Variants in KIAA1671 observed in about 807,000 individuals in gnomAD.
KIAA1671 encodes KIAA1671.
Under a neutral mutation model 131.2 loss-of-function variants are expected in KIAA1671, and 52 were observed. The ratio of observed to expected loss-of-function variants is 0.40; its 90% confidence interval spans 0.32 to 0.50. The LOEUF (loss-of-function observed/expected upper bound fraction) is 0.50. Among genes scored for constraint, KIAA1671 ranks in the 20% least tolerant of loss-of-function variants. The pLI, the probability that KIAA1671 is intolerant of heterozygous loss-of-function variation, is 0.73. For synonymous variants in KIAA1671, 1,003 were observed against 961.6 expected, an observed-to-expected ratio of 1.04 and a Z score of -0.80; for missense variants, 2,360 against 2,364.2, an observed-to-expected ratio of 1.00 and a Z score of 0.04.
At chr22:25,105,821 G>GA (rs1491324429) in intron 6 of KIAA1671, among the ~76,000 whole-genome samples, 8 of 54,104 alleles carry the variant, frequency 1.5e-4, no homozygotes, top group Admixed American at 1.2e-3. Context: ...TATGAAGTTG[G>GA]GGGGGGGGGG....
chr22:25,040,748 A>G lies in KIAA1671; in HGVS notation c.3618A>G (p.Ala1206=), dbSNP rs1323689560. The G allele has an allele frequency of 1.3e-6, 2 of 1,551,786 alleles. No homozygotes were observed. Among genetic ancestry groups the G allele is most frequent in the African/African-American group, 2.7e-5 (2 of 73,058 alleles). Reference sequence around the variant, plus strand: ...TTCTTGACATTGACGCCCTGATGGCAGAGTACCAGGAGCTGTCGCTGAAAG... The same window carrying G: ...TTCTTGACATTGACGCCCTGATGGCGGAGTACCAGGAGCTGTCGCTGAAAG... ...SSVLDIDALM[A]EYQELSLKVP... The change falls in exon 5 of 13, where the codon GCA becomes GCG. Residue 1206 remains alanine, a synonymous_variant. Coordinates refer to ENST00000358431, the MANE Select transcript of KIAA1671 (RefSeq NM_001145206.2).
chr22:25,181,822 A>T lies in KIAA1671; in HGVS notation c.5198A>T (p.Lys1733Met). Residue 1733 changes from lysine (K) to methionine (M), a missense_variant and splice_region_variant, in exon 10 of 13, where the codon AAG becomes ATG. Physicochemically the swap from Lys to Met is moderately conservative, Grantham distance 95. Transcript: ENST00000358431. ...CCAGGCATGGATCCGGCAGTGCTAA[A>T]GGTACCAGACCTCTCACCAAGAGTC... ...AFPGMDPAVL[K>M]AQLHKRPEVD... The T allele has an allele frequency of 6.4e-7, 1 of 1,551,416 alleles. No individual in the cohort carries two copies. The highest frequency in any genetic ancestry group is 8.7e-7 in the Non-Finnish European group (1 of 1,146,842).
chr22:25,034,331 C>T (rs1926471215), intron 4 of KIAA1671, among the ~76,000 whole-genome samples: 2 of 152,106 alleles, frequency 1.3e-5, no homozygotes. Context: ...CAAGTGTGAG[C>T]CACCACACCC....
intron 11 of KIAA1671, chr22:25,185,321 A>T: frequency 1.7e-6 from 1 of 592,746 alleles, no homozygotes; most frequent in Admixed American, 3.5e-5. Context: ...GGAGGCCAGG[A>T]ATCAGGCCAG....
At chr22:25,153,290 G>A (rs1012669626) in intron 6 of KIAA1671, among the ~76,000 whole-genome samples, 1 of 152,210 alleles carries the variant, frequency 6.6e-6, no homozygotes, top group African/African-American at 2.4e-5. Context: ...TAGACCAGTA[G>A]TTCTCAACCT....
At chr22:24,984,552 TG>T (rs1923414571) in intron 1 of KIAA1671, among the ~76,000 whole-genome samples, 1 of 152,214 alleles carries the variant, frequency 6.6e-6, no homozygotes, top group Non-Finnish European at 1.5e-5. Flanking sequence ...GGGCAAGGGA[TG>T]AGGCAGCTTC....
At chr22:24,972,812 G>C (rs1429705010) in intron 1 of KIAA1671, among the ~76,000 whole-genome samples, 1 of 152,202 alleles carries the variant, frequency 6.6e-6, no homozygotes, top group Non-Finnish European at 1.5e-5. Context: ...TTCTAGTGGG[G>C]AGAAGCAGGC....
intron 8 of KIAA1671, chr22:25,177,103 C>G: frequency 2.2e-6 from 1 of 460,942 alleles, no homozygotes; most frequent in South Asian, 4.8e-5. Flanking sequence ...AAGCCAGGCA[C>G]TGTACTAGGG....
chr22:25,184,910 T>G (rs1934418539), intron 10 of KIAA1671, 67 bp from the exon 11 acceptor site: 1 of 1,539,614 alleles, frequency 6.5e-7, no homozygotes, highest in African/African-American at 1.4e-5. Flanking sequence ...TACCTGACAT[T>G]TGCATGGGAG....
At chr22:25,078,515 C>G (rs1431068902) in intron 6 of KIAA1671, among the ~76,000 whole-genome samples, 3 of 152,240 alleles carry the variant, frequency 2.0e-5, no homozygotes, top group Admixed American at 6.5e-5. Flanking sequence ...GGAGACAGAG[C>G]AAGACCCTGT....
At position 25,192,783 on chromosome 22, in the gene KIAA1671, C is replaced by T. The variant is rs1934708988; in HGVS notation, c.*382C>T. The T allele has an allele frequency of 6.6e-6, 1 of 152,224 alleles. No individual in the cohort carries two copies. The highest frequency in any genetic ancestry group is 1.5e-5 in the Non-Finnish European group (1 of 68,040). 9.4% of individuals were successfully genotyped at this position (152,224 alleles called of 1,614,324 possible). On this transcript the variant is annotated 3_prime_UTR_variant, in exon 13 of 13. Coordinates refer to ENST00000358431, the MANE Select transcript of KIAA1671 (RefSeq NM_001145206.2). The stretch of plus-strand genomic sequence containing the variant: ...AATTGTCTCCCCAGGTTCTGAAAAA[C>T]ACCTGCATTTGTGAAAGCACCTCCT...
intron 6 of KIAA1671, among the ~76,000 whole-genome samples, chr22:25,164,372 T>A (rs2145999683): frequency 6.6e-6 from 1 of 152,346 alleles, no homozygotes; most frequent in Non-Finnish European, 1.5e-5. Context: ...AAGGGCCGAC[T>A]GAATGGACTC....
At chr22:25,041,612 C>A in intron 5 of KIAA1671, 87 bp downstream of exon 5, 1 of 1,361,060 alleles carries the variant, frequency 7.3e-7, no homozygotes, top group Non-Finnish European at 9.8e-7. Context: ...GTGTGGCCCA[C>A]TTTGGGTACA....
chr22:25,137,143 A>C (rs1185664679), intron 6 of KIAA1671, among the ~76,000 whole-genome samples: 1 of 152,210 alleles, frequency 6.6e-6, no homozygotes, highest in Non-Finnish European at 1.5e-5. Context: ...ATTCTCTGAG[A>C]TTATCTAAGC....
At chr22:24,958,187 G>A (rs1921820976) in intron 1 of KIAA1671, among the ~76,000 whole-genome samples, 2 of 151,996 alleles carry the variant, frequency 1.3e-5, no homozygotes, top group Admixed American at 1.3e-4. Flanking sequence ...AAGGAGGGGT[G>A]CTTCTGCCTA....
chr22:25,041,308 A>T lies in KIAA1671; in HGVS notation c.4178A>T (p.Asp1393Val), dbSNP rs1036479575. ...GAGGACAGTGTGGCCCAGTGGGGTGACCACCCACGTGACTGTGGACGGGTG... is the reference window on the plus strand; with the variant it reads ...GAGGACAGTGTGGCCCAGTGGGGTGTCCACCCACGTGACTGTGGACGGGTG... ...GEEDSVAQWG[D>V]HPRDCGRVPL... The change falls in exon 5 of 13, where the codon GAC (aspartate) becomes GTC (valine). Residue 1393 changes from aspartate (D) to valine (V), a missense_variant. Physicochemically the swap from Asp to Val is radical, Grantham distance 152. Transcript: ENST00000358431. 9.7e-6 allele frequency: 15 copies of T among 1,551,586 alleles called. No individual in the cohort carries two copies. The highest frequency in any genetic ancestry group is 1.7e-4 in the Middle Eastern group (1 of 6,014).
intron 6 of KIAA1671, among the ~76,000 whole-genome samples, chr22:25,118,981 CCTA>C (rs1256967433): frequency 6.6e-6 from 1 of 152,154 alleles, no homozygotes; most frequent in East Asian, 1.9e-4. Context: ...CTGCACCCAT[CCTA>C]CATTTCTTCC....
chr22:25,189,240 G>A (rs1231928537), intron 11 of KIAA1671, among the ~76,000 whole-genome samples: 1 of 148,542 alleles, frequency 6.7e-6, no homozygotes, highest in Non-Finnish European at 1.5e-5. Context: ...TGCAACCTCC[G>A]CCTCCTGGGT....
intron 12 of KIAA1671, 109 bp downstream of exon 12, chr22:25,190,893 A>G: frequency 1.4e-5 from 10 of 700,114 alleles, no homozygotes; most frequent in Admixed American, 2.2e-5. Context: ...CCAAGGAAAG[A>G]GGCTGTGTAA....
Sources: allele counts gnomAD v4.1 joint callset (sites outside exome capture counted in the v4.1 genomes callset), GRCh38; gene constraint gnomAD v4.1.1; transcripts MANE v1.5; gene names NCBI Gene and HGNC (gene_info 2026-07-23, HGNC 2026-07-21).